The following DDR2 variants were observed in gnomAD, a reference collection of about 807,000 sequenced individuals.
DDR2 encodes discoidin domain-containing receptor 2.
In DDR2, 27 loss-of-function variants were observed where a neutral mutation model predicts 94.9. The ratio of observed to expected loss-of-function variants is 0.28; its 90% confidence interval spans 0.21 to 0.39. The LOEUF is 0.39. DDR2 is among the 10% of genes least tolerant of loss of function. The pLI is 1.00. For synonymous variants in DDR2, 382 were observed against 377.2 expected, an observed-to-expected ratio of 1.01 and a Z score of -0.15; for missense variants, 783 against 1,076.0, an observed-to-expected ratio of 0.73 and a Z score of 3.81.
At chr1:162,644,891 C>A (rs1657331814) in intron 1 of DDR2, among the ~76,000 whole-genome samples, 1 of 152,210 alleles carries the variant, frequency 6.6e-6, no homozygotes, top group Non-Finnish European at 1.5e-5. Context: ...TCACCACGCC[C>A]AGCCAACCAC....
In DDR2 at chr1:162,675,279, C is replaced by A. The variant is rs753597651; in HGVS notation, c.-28+19905C>A. Among the ~76,000 whole-genome samples the A allele has an allele frequency of 2.6e-4, 40 of 152,108 alleles. 1 individual carries two copies. Among genetic ancestry groups the A allele is most frequent in the Non-Finnish European group, 5.4e-4 (37 of 67,988 alleles). ...GAATAATGTAGAGATTACAGGGTAG[C>A]AGGGATGGGGATGCACTTGTAAGCC... On this transcript the variant is annotated intron_variant, in intron 2 of 17. Transcript: ENST00000367921.
At position 162,758,777 on chromosome 1, in the gene DDR2, C is replaced by G. The variant is rs189873391; in HGVS notation, c.672-1019C>G. 5.2e-4 allele frequency among the ~76,000 whole-genome samples: 79 copies of G among 152,272 alleles called. 1 individual carries two copies. Among genetic ancestry groups the G allele is most frequent in the African/African-American group, 1.9e-3 (77 of 41,542 alleles). On this transcript the variant is annotated intron_variant, in intron 7 of 17. Transcript: ENST00000367921. ...AATTTTACATATTATTGATCTAGCT[C>G]TAAACCTCAAGGGTCACACCAATTA...
intron 1 of DDR2, among the ~76,000 whole-genome samples, chr1:162,641,664 A>C (rs137882684): frequency 6.6e-6 from 1 of 152,212 alleles, no homozygotes; most frequent in African/African-American, 2.4e-5. Context: ...TTGAAATGTC[A>C]TATACTATAG....
Position 162,681,694 on chromosome 1 carries a change from G to T in DDR2, c.-28+26320G>T, listed in dbSNP as rs528512503. The stretch of plus-strand genomic sequence containing the variant: ...AGAAGGGGGAAGAGAACTCTCTGGG[G>T]TCCTTAGTATAAGGGTACTAGTCTT... On this transcript the variant is annotated intron_variant, in intron 2 of 17. Transcript: ENST00000367921. Among the ~76,000 whole-genome samples the T allele has an allele frequency of 8.4e-4, 128 of 152,254 alleles. No homozygotes were observed. In the Middle Eastern group the frequency reaches 0.014, roughly 16 times the overall value.
chr1:162,765,892 A>C, intron 9 of DDR2, 109 bp from the exon 10 acceptor site: 1 of 941,964 alleles, frequency 1.1e-6, no homozygotes, highest in East Asian at 2.4e-5. Context: ...AAGACTGATG[A>C]CAACTCACTA....
At chr1:162,725,272 C>T (rs376244703) in intron 3 of DDR2, among the ~76,000 whole-genome samples, 6 of 152,280 alleles carry the variant, frequency 3.9e-5, no homozygotes, top group East Asian at 1.9e-4. Context: ...GTGGCAGAAC[C>T]GGCATTCGAC....
At chr1:162,728,000 CTATA>C (rs1267414355) in intron 3 of DDR2, among the ~76,000 whole-genome samples, 8 of 131,896 alleles carry the variant, frequency 6.1e-5, no homozygotes, top group Non-Finnish European at 1.1e-4. Flanking sequence ...CTATATATAT[CTATA>C]TATATATAGA....
At chr1:162,744,713 T>C (rs897254109) in intron 3 of DDR2, among the ~76,000 whole-genome samples, 15 of 151,964 alleles carry the variant, frequency 9.9e-5, no homozygotes, top group African/African-American at 3.4e-4. Context: ...TAAGATTCCA[T>C]TGTAGGTGTA....
Position 162,655,392 on chromosome 1 carries a change from C to T in DDR2, c.-28+18C>T, listed in dbSNP as rs1372215261. The T allele has an allele frequency of 1.3e-5, 2 of 152,212 alleles. No homozygotes were observed. The highest frequency in any genetic ancestry group is 1.3e-4 in the Admixed American group (2 of 15,276). 9.4% of individuals were successfully genotyped at this position (152,212 alleles called of 1,614,324 possible). On this transcript the variant is annotated intron_variant, in intron 2 of 17. Transcript: ENST00000367921. ...CCGTTGATGTAAGTAGGTCCAGTCA[C>T]TGAGGCTCTGTTACCACATGAGATT...
chr1:162,782,989 C>G lies in DDR2; in HGVS notation c.*2743C>G, dbSNP rs1460992211. ...TTTAGTAGCACAAATCCATGCAACC[C>G]AACAGAATACATGGTGAGGGCCTAG... On this transcript the variant is annotated 3_prime_UTR_variant, in exon 18 of 18. Transcript: ENST00000367921. The G allele has an allele frequency of 1.3e-5, 2 of 152,002 alleles. No individual in the cohort carries two copies. The highest frequency in any genetic ancestry group is 2.1e-4 in the South Asian group (1 of 4,824). The allele number at this position is 152,002 out of a possible 1,614,324, so 9.4% of individuals were successfully genotyped here. A position where few individuals can be genotyped will look rare whatever the true frequency, so the allele number is the denominator to read the frequency against.
At chr1:162,721,348 C>T (rs1661413513) in intron 3 of DDR2, among the ~76,000 whole-genome samples, 1 of 152,128 alleles carries the variant, frequency 6.6e-6, no homozygotes, top group South Asian at 2.1e-4. Flanking sequence ...TTTTTGTTGG[C>T]TCTTTCTGAC....
At chr1:162,706,371 C>T (rs371979504) in intron 2 of DDR2, among the ~76,000 whole-genome samples, 8 of 152,330 alleles carry the variant, frequency 5.3e-5, no homozygotes, top group East Asian at 3.9e-4. Context: ...AAAAATTCTA[C>T]ATTCATATGT....
At chr1:162,743,866 G>A (rs1424208153) in intron 3 of DDR2, among the ~76,000 whole-genome samples, 1 of 152,030 alleles carries the variant, frequency 6.6e-6, no homozygotes, top group Non-Finnish European at 1.5e-5. Flanking sequence ...TGATTCCTCT[G>A]GCCGCTCCTC....
chr1:162,766,470 T>C (rs1429672617), intron 10 of DDR2, among the ~76,000 whole-genome samples: 1 of 152,198 alleles, frequency 6.6e-6, no homozygotes, highest in African/African-American at 2.4e-5. Context: ...CAGTCATTGG[T>C]GACACTAGCC....
chr1:162,750,573 G>A (rs1670416286), intron 3 of DDR2, among the ~76,000 whole-genome samples: 1 of 152,088 alleles, frequency 6.6e-6, no homozygotes, highest in Non-Finnish European at 1.5e-5. Context: ...TACTGCCCAA[G>A]GTAATTTATA....
chr1:162,749,973 A>G (rs1457017884), intron 3 of DDR2, among the ~76,000 whole-genome samples: 1 of 152,250 alleles, frequency 6.6e-6, no homozygotes, highest in Non-Finnish European at 1.5e-5. Context: ...CTTCATGCTA[A>G]AAGCTCTCAG....
chr1:162,671,389 A>C (rs1025814518), intron 2 of DDR2, among the ~76,000 whole-genome samples: 4 of 152,206 alleles, frequency 2.6e-5, no homozygotes, highest in African/African-American at 7.2e-5. Flanking sequence ...CTGACTGTTG[A>C]GCAATTTTAA....
intron 1 of DDR2, among the ~76,000 whole-genome samples, chr1:162,638,951 CT>C (rs551866239): frequency 3.1e-4 from 46 of 147,576 alleles, no homozygotes; most frequent in Admixed American, 6.1e-4. Context: ...CGAACTGATT[CT>C]TTTTTTTTTT....
chr1:162,726,019 C>T (rs1443571448), intron 3 of DDR2, among the ~76,000 whole-genome samples: 2 of 152,192 alleles, frequency 1.3e-5, no homozygotes, highest in African/African-American at 4.8e-5. Context: ...TTTGCCTACT[C>T]GCTGGACGAG....
Sources: allele counts gnomAD v4.1 joint callset (sites outside exome capture counted in the v4.1 genomes callset), GRCh38; gene constraint gnomAD v4.1.1; transcripts MANE v1.5; gene names NCBI Gene and HGNC (gene_info 2026-07-23, HGNC 2026-07-21).